Variants in ZYG11A observed in about 807,000 individuals in gnomAD.
ZYG11A encodes the protein protein zyg-11 homolog A.
ZYG11A carries 62 observed loss-of-function variants against 77.2 expected under a neutral mutation model. The ratio of observed to expected loss-of-function variants is 0.80; its 90% CI spans 0.65 to 0.99. The LOEUF (loss-of-function observed/expected upper bound fraction) is 0.99, where lower values mean the gene tolerates loss of function less well. Among genes scored for constraint, ZYG11A ranks in the 50% least tolerant of loss-of-function variants. ZYG11A has a pLI of 0.00. For missense variants in ZYG11A, 828 were observed against 896.8 expected (o/e 0.92, Z 0.98); for synonymous variants, 315 against 324.6 (o/e 0.97, Z 0.32).
chr1:52,882,454 C>T (rs1199482065), intron 11 of ZYG11A, among the ~76,000 whole-genome samples: 1 of 152,188 alleles, frequency 6.6e-6, no homozygotes, highest in African/African-American at 2.4e-5. Flanking sequence ...CTGCTGTCAT[C>T]CTCGGACTCC....
intron 5 of ZYG11A, 80 bp from the exon 6 acceptor site, chr1:52,866,423 A>G (rs1451726827): frequency 2.6e-6 from 2 of 780,566 alleles, no homozygotes; most frequent in African/African-American, 1.7e-5. Context: ...CTCACTAGTA[A>G]TACTTCCAAA....
chr1:52,870,754 G>A (rs183955076), intron 8 of ZYG11A, among the ~76,000 whole-genome samples: 151 of 152,246 alleles, frequency 9.9e-4, no homozygotes, highest in Middle Eastern at 3.4e-3. Context: ...GCAGGCACTC[G>A]GCAGGCTGAG....
At chr1:52,883,960 G>A (rs1269380164) in intron 11 of ZYG11A, among the ~76,000 whole-genome samples, 3 of 151,086 alleles carry the variant, frequency 2.0e-5, no homozygotes, top group African/African-American at 4.9e-5. Flanking sequence ...GCTCACTGCC[G>A]CCTCTGCCTC....
At chr1:52,849,688 CT>C (rs1553267435) in intron 1 of ZYG11A, among the ~76,000 whole-genome samples, 38 of 41,354 alleles carry the variant, frequency 9.2e-4, no homozygotes, top group South Asian at 1.9e-3. Context: ...TTATACATTT[CT>C]TTTTTTTTTT....
intron 10 of ZYG11A, among the ~76,000 whole-genome samples, chr1:52,879,804 C>T (rs1646331874): frequency 6.6e-6 from 1 of 150,894 alleles, no homozygotes; most frequent in South Asian, 2.1e-4. Flanking sequence ...CTCTTGTCAC[C>T]CAGGCTGGAG....
In ZYG11A at chr1:52,885,972, G is replaced by T. The variant is rs150175951; in HGVS notation, c.2006+78G>T. On this transcript the variant is annotated intron_variant, in intron 12 of 13. Coordinates refer to ENST00000371528, the MANE Select transcript of ZYG11A (RefSeq NM_001004339.3). ...TTTTGAGACAGAGTCTTGCTCAGTC[G>T]CCCAGGCTGGAGTGCAGTGGCACAA... 11,267 of 1,175,436 alleles carry T rather than the reference G, an allele frequency of 9.6e-3. 243 individuals carry two copies. The highest frequency in any genetic ancestry group is 0.088 in the Middle Eastern group (369 of 4,174). The allele number at this position is 1,175,436 out of a possible 1,614,324, so 72.8% of individuals were successfully genotyped here.
chr1:52,846,664 A>G (rs993467220), intron 1 of ZYG11A, among the ~76,000 whole-genome samples: 5 of 151,842 alleles, frequency 3.3e-5, no homozygotes, highest in African/African-American at 4.8e-5. Flanking sequence ...AAAAAATGTT[A>G]TCTATGTTAA....
rs1038237240 is a variant in ZYG11A, at chr1:52,842,792, C to T, written c.-92C>T. ...CCGTGTGCCTCGCAGGCGTGGTGGG[C>T]GCGTCCTGGCAGCCGCCCGCTTGGT... On this transcript the variant is annotated 5_prime_UTR_variant, in exon 1 of 14. Transcript: ENST00000371528. 18 of 1,240,518 alleles carry T rather than the reference C, an allele frequency of 1.5e-5. No individual in the cohort carries two copies. The highest frequency in any genetic ancestry group is 2.7e-5 in the South Asian group (2 of 73,380). 76.8% of individuals were successfully genotyped at this position (1,240,518 alleles called of 1,614,324 possible).
chr1:52,856,021 C>G (rs966244239), intron 2 of ZYG11A, among the ~76,000 whole-genome samples: 1 of 152,098 alleles, frequency 6.6e-6, no homozygotes, highest in Non-Finnish European at 1.5e-5. Context: ...AACTCATTAT[C>G]TTTTTGAGGA....
intron 11 of ZYG11A, 170 bp downstream of exon 11, chr1:52,881,835 A>G (rs1490552929): frequency 1.9e-6 from 1 of 530,930 alleles, no homozygotes; most frequent in East Asian, 3.2e-5. Flanking sequence ...ATTTTGTTGC[A>G]TATGACTTAC....
At chr1:52,866,353 A>T in intron 5 of ZYG11A, 150 bp from the exon 6 acceptor site, 1 of 465,632 alleles carries the variant, frequency 2.1e-6, no homozygotes. Flanking sequence ...GGCAGTCATC[A>T]GTTACAGCAT....
chr1:52,858,446 C>T (rs1645859765), intron 3 of ZYG11A, among the ~76,000 whole-genome samples: 2 of 150,714 alleles, frequency 1.3e-5, no homozygotes, highest in Admixed American at 6.6e-5. Context: ...GCTGGGACTA[C>T]AGGCACGTGC....
rs1645899970 is a variant in ZYG11A, at chr1:52,860,145, T to A, written c.1009-586T>A. 2.6e-5 allele frequency among the ~76,000 whole-genome samples: 4 copies of A among 152,254 alleles called. No homozygotes were observed. In the South Asian group the frequency reaches 8.3e-4, roughly 32 times the overall value. ...TATCTACAAAAAGGACTACTGGTATTTTAGTTGGGATTGCATTAAATCTGT... is the reference window on the plus strand; with the variant it reads ...TATCTACAAAAAGGACTACTGGTATATTAGTTGGGATTGCATTAAATCTGT... On this transcript the variant is annotated intron_variant, in intron 3 of 13. Transcript: ENST00000371528.
intron 13 of ZYG11A, among the ~76,000 whole-genome samples, chr1:52,888,448 C>T (rs1031815260): frequency 6.6e-6 from 1 of 152,168 alleles, no homozygotes; most frequent in East Asian, 1.9e-4. Context: ...ACCTCTGCCT[C>T]CTGGGTTCAA....
chr1:52,866,172 C>T (rs1183773546), intron 5 of ZYG11A, among the ~76,000 whole-genome samples: 17 of 152,002 alleles, frequency 1.1e-4, no homozygotes, highest in Admixed American at 1.1e-3. Context: ...CTCCTGACCT[C>T]GTGATCCGCC....
chr1:52,869,669 C>T lies in ZYG11A; in HGVS notation c.1542+1892C>T, dbSNP rs6702534. Among the ~76,000 whole-genome samples, 1,348 of 152,112 alleles carry T rather than the reference C, an allele frequency of 8.9e-3. 39 individuals carry two copies. Among genetic ancestry groups the T allele is most frequent in the African/African-American group, 0.031 (1,297 of 41,360 alleles). On this transcript the variant is annotated intron_variant, in intron 8 of 13. Transcript: ENST00000371528. ...CTTTCTACACAGACACAGCAACCAT[C>T]CGATTTCTCAATCTTTTCCCCACCT... is the stretch of plus-strand genomic sequence containing the variant.
intron 3 of ZYG11A, among the ~76,000 whole-genome samples, chr1:52,859,695 T>G (rs1182573783): frequency 2.7e-5 from 3 of 109,790 alleles, no homozygotes; most frequent in African/African-American, 3.8e-5. Flanking sequence ...TTTTTTTTTT[T>G]GAGACAGAGT....
chr1:52,882,685 A>T, intron 11 of ZYG11A, among the ~76,000 whole-genome samples: 1 of 152,182 alleles, frequency 6.6e-6, no homozygotes, highest in East Asian at 1.9e-4. Context: ...TTTTTCCTTC[A>T]TAATTTAAAA....
chr1:52,874,782 C>T (rs1390086211), intron 8 of ZYG11A, among the ~76,000 whole-genome samples: 1 of 151,922 alleles, frequency 6.6e-6, no homozygotes, highest in East Asian at 1.9e-4. Context: ...CAGGAGAATC[C>T]CTTGAACCCG....
Sources: allele counts gnomAD v4.1 joint callset (sites outside exome capture counted in the v4.1 genomes callset), GRCh38; gene constraint gnomAD v4.1.1; transcripts MANE v1.5; gene names NCBI Gene and HGNC (gene_info 2026-07-23, HGNC 2026-07-21).